The following MACROD2 variants were observed in gnomAD, a reference collection of about 807,000 sequenced individuals.
MACROD2 encodes mono-ADP ribosylhydrolase 2.
Under a neutral mutation model 70.4 loss-of-function variants are expected in MACROD2, and 36 were observed. That is an observed-to-expected ratio of 0.51 (90% confidence interval 0.39 to 0.68). MACROD2 has a LOEUF of 0.68. Ranked by LOEUF, MACROD2 falls within the 30% of genes least tolerant of loss-of-function variation. The pLI is 0.00. For synonymous variants in MACROD2, 172 were observed against 178.8 expected, an observed-to-expected ratio of 0.96 and a Z score of 0.30; for missense variants, 496 against 538.4, an observed-to-expected ratio of 0.92 and a Z score of 0.78.
intron 5 of MACROD2, among the ~76,000 whole-genome samples, chr20:14,954,737 T>TATATAAATTATAAATTATAAGTA (rs368844113): frequency 9.6e-6 from 1 of 104,652 alleles, no homozygotes; most frequent in African/African-American, 4.1e-5. Flanking sequence ...AATATATAAA[T>TATATAAATTATAAATTATAAGTA]TATAAATTAT....
chr20:15,995,133 C>T (rs1047726510), intron 15 of MACROD2, among the ~76,000 whole-genome samples: 1 of 151,946 alleles, frequency 6.6e-6, no homozygotes, highest in East Asian at 1.9e-4. Flanking sequence ...CTTACTAGCA[C>T]ATCAGTGCAC....
intron 5 of MACROD2, among the ~76,000 whole-genome samples, chr20:15,207,436 G>GGTT (rs1555792628): frequency 1.2e-5 from 1 of 84,588 alleles, no homozygotes; most frequent in Non-Finnish European, 2.1e-5. Context: ...TTTGTTTCTG[G>GGTT]TTTTTTTTTT....
At chr20:15,430,860 G>A (rs188731450) in intron 6 of MACROD2, among the ~76,000 whole-genome samples, 186 of 152,016 alleles carry the variant, frequency 1.2e-3, no homozygotes, top group African/African-American at 3.9e-3. Flanking sequence ...TACCTAAAAT[G>A]TGTATCAATA....
chr20:14,285,979 CAA>C (rs5840605), intron 3 of MACROD2, among the ~76,000 whole-genome samples: 39,611 of 143,234 alleles, frequency 0.28, 5,387 homozygotes, highest in African/African-American at 0.34. Context: ...ACTCTGCAGC[CAA>C]AAAAAAAAAA....
At chr20:14,567,496 C>T (rs1979888503) in intron 4 of MACROD2, among the ~76,000 whole-genome samples, 3 of 152,038 alleles carry the variant, frequency 2.0e-5, no homozygotes, top group South Asian at 2.1e-4. Context: ...GTTAGAATGA[C>T]GTGTTTTATT....
chr20:15,769,694 T>C (rs1402932842), intron 8 of MACROD2, among the ~76,000 whole-genome samples: 1 of 152,210 alleles, frequency 6.6e-6, no homozygotes, highest in African/African-American at 2.4e-5. Flanking sequence ...AGTCCGTTAT[T>C]GACCAAGACA....
At chr20:14,641,104 A>G (rs1311685267) in intron 4 of MACROD2, among the ~76,000 whole-genome samples, 1 of 152,220 alleles carries the variant, frequency 6.6e-6, no homozygotes, top group Non-Finnish European at 1.5e-5. Context: ...AGTTTATGTA[A>G]TATTCTAAAT....
chr20:15,371,955 TTGAG>T lies in MACROD2; in HGVS notation c.541-59447_541-59444del, dbSNP rs551332330. 8.2e-4 allele frequency among the ~76,000 whole-genome samples: 125 copies of T among 152,350 alleles called. 1 individual carries two copies. The highest frequency in any genetic ancestry group is 1.4e-3 in the Non-Finnish European group (97 of 68,030). ...GCCATTAAAATACATGTTGTGTTAA[TTGAG>T]TGTTTATGAAAATTTTCATAAATAT... On this transcript the variant is annotated intron_variant, in intron 6 of 17. Coordinates refer to ENST00000684519, the MANE Select transcript of MACROD2 (RefSeq NM_001351661.2).
intron 3 of MACROD2, among the ~76,000 whole-genome samples, chr20:14,185,809 C>T (rs1030089986): frequency 6.6e-6 from 1 of 152,124 alleles, no homozygotes; most frequent in African/African-American, 2.4e-5. Flanking sequence ...ACCTGCCACA[C>T]AGGGCTTTTA....
intron 3 of MACROD2, among the ~76,000 whole-genome samples, chr20:14,095,219 A>G (rs1335560462): frequency 6.6e-6 from 1 of 152,172 alleles, no homozygotes; most frequent in Non-Finnish European, 1.5e-5. Context: ...ATTTGCTTAT[A>G]AAGGCTTTAT....
chr20:14,869,885 TG>T lies in MACROD2; in HGVS notation c.418+184929del, dbSNP rs2073468567. ...GTTCACCTCAAATTTAAAGAGCAGC[TG>T]GGAAGACGGCAGTAACTGCACCATA... On this transcript the variant is annotated intron_variant, in intron 5 of 17. Transcript: ENST00000684519. Among the ~76,000 whole-genome samples the T allele has an allele frequency of 5.3e-5, 8 of 152,276 alleles. No individual in the cohort carries two copies. The South Asian group carries it at 1.7e-3, about 32-fold the overall frequency.
intron 3 of MACROD2, among the ~76,000 whole-genome samples, chr20:14,349,527 A>C (rs1389503296): frequency 6.7e-6 from 1 of 148,230 alleles, no homozygotes; most frequent in Non-Finnish European, 1.5e-5. Flanking sequence ...TATTGTATCT[A>C]TATGGTTAAT....
chr20:15,838,378 A>G (rs1013650736), intron 8 of MACROD2, among the ~76,000 whole-genome samples: 14 of 152,126 alleles, frequency 9.2e-5, no homozygotes, highest in African/African-American at 3.4e-4. Flanking sequence ...TAATGTTTCC[A>G]TCTTGTGGAG....
rs143306157 is a variant in MACROD2 at position 15,951,822 on chromosome 20, G to A, written c.907+14278G>A. Reference sequence around the variant, plus strand: ...CTGTTTCAATTTACGTAAATCACCCGTAAATGTTATCTATGCCAACCACAC... The same window carrying A: ...CTGTTTCAATTTACGTAAATCACCCATAAATGTTATCTATGCCAACCACAC... On this transcript the variant is annotated intron_variant, in intron 12 of 17. Coordinates refer to ENST00000684519, the MANE Select transcript of MACROD2 (RefSeq NM_001351661.2). 3.9e-5 allele frequency among the ~76,000 whole-genome samples: 6 copies of A among 152,252 alleles called. No individual in the cohort carries two copies. The East Asian group carries it at 5.8e-4, about 15-fold the overall frequency.
intron 3 of MACROD2, among the ~76,000 whole-genome samples, chr20:14,089,277 A>G (rs150764365): frequency 2.8e-4 from 43 of 152,256 alleles, no homozygotes; most frequent in African/African-American, 9.9e-4. Context: ...ACAGCTTTCT[A>G]CTGTGCAGTT....
chr20:14,028,496 G>A (rs1026671539), intron 2 of MACROD2, among the ~76,000 whole-genome samples: 1 of 152,206 alleles, frequency 6.6e-6, no homozygotes, highest in African/African-American at 2.4e-5. Flanking sequence ...AGCTAGCTCG[G>A]TGTCTGCCCA....
chr20:15,456,092 T>A (rs1471784720), intron 7 of MACROD2, among the ~76,000 whole-genome samples: 1 of 152,146 alleles, frequency 6.6e-6, no homozygotes, highest in African/African-American at 2.4e-5. Context: ...TTGTGGTATC[T>A]TGACAGTAAT....
chr20:14,829,781 T>C (rs1334291904), intron 5 of MACROD2, among the ~76,000 whole-genome samples: 1 of 152,150 alleles, frequency 6.6e-6, no homozygotes, highest in Non-Finnish European at 1.5e-5. Flanking sequence ...ATATTTTTGT[T>C]TCATTGAATC....
In MACROD2 at chr20:14,864,399, T is replaced by A. The variant is rs1040682520; in HGVS notation, c.418+179440T>A. ...TGCAGTTACAAGTCCTATGATAGCT[T>A]TATATGGATTTATAAATCAGTAAAT... On this transcript the variant is annotated intron_variant, in intron 5 of 17. Transcript: ENST00000684519. Among the ~76,000 whole-genome samples the A allele has an allele frequency of 4.5e-4, 69 of 152,202 alleles. 1 individual carries two copies. Among genetic ancestry groups the A allele is most frequent in the African/African-American group, 1.6e-3 (68 of 41,540 alleles).
Sources: allele counts gnomAD v4.1 joint callset (sites outside exome capture counted in the v4.1 genomes callset), GRCh38; gene constraint gnomAD v4.1.1; transcripts MANE v1.5; gene names NCBI Gene and HGNC (gene_info 2026-07-23, HGNC 2026-07-21).